RABGEF1: variants seen among roughly 807,000 people sequenced by gnomAD.
RABGEF1 encodes the protein RAB guanine nucleotide exchange factor 1.
Under a neutral mutation model 57.3 loss-of-function variants are expected in RABGEF1, and 26 were observed. The observed-to-expected ratio is 0.45, with a 90% CI of 0.33 to 0.63. The LOEUF (loss-of-function observed/expected upper bound fraction) is 0.63. Ranked by LOEUF, RABGEF1 falls within the 20% of genes least tolerant of loss-of-function variation. RABGEF1 has a pLI of 0.02. For synonymous variants in RABGEF1, 185 were observed against 210.7 expected (o/e 0.88, Z 1.06); for missense variants, 464 against 607.6 (o/e 0.76, Z 2.48).
In RABGEF1 at chr7:66,687,113, C is replaced by CTT. The variant is rs71526570; in HGVS notation, c.-873+4876_-873+4877dup. 9.2e-4 allele frequency among the ~76,000 whole-genome samples: 95 copies of CTT among 103,670 alleles called. 1 individual carries two copies. The highest frequency in any genetic ancestry group is 1.1e-3 in the African/African-American group (30 of 27,748). 68.0% of individuals were successfully genotyped at this position (103,670 alleles called of 152,430 possible). On this transcript the variant is annotated intron_variant and NMD_transcript_variant, in intron 1 of 9. Transcript: ENST00000607882. Reference sequence around the variant, plus strand: ...TGAGATTACGAGCCACCACGCCCGGCTTTTTTTTTTTTTTTTTTTTTTCTT... The same window carrying CTT: ...TGAGATTACGAGCCACCACGCCCGGCTTTTTTTTTTTTTTTTTTTTTTTTCTT...
At chr7:66,793,817 G>C (rs533681852) in intron 4 of RABGEF1, among the ~76,000 whole-genome samples, 48 of 152,292 alleles carry the variant, frequency 3.2e-4, no homozygotes, top group African/African-American at 1.1e-3. Context: ...CATCCTTTTA[G>C]AGTTAAGCCA....
chr7:66,712,131 G>C (rs1176414941), intron 1 of RABGEF1: 1 of 152,112 alleles, frequency 6.6e-6, no homozygotes, highest in African/African-American at 2.4e-5. Context: ...CAAAAATCCT[G>C]CTCAGATTTT....
the RABGEF1 span, among the ~76,000 whole-genome samples, chr7:66,674,767 TAGG>T: frequency 1.3e-5 from 2 of 152,062 alleles, no homozygotes; most frequent in African/African-American, 2.4e-5. Context: ...TTTACTGATC[TAGG>T]AGAAGTTAGA....
intron 5 of RABGEF1, among the ~76,000 whole-genome samples, chr7:66,796,471 C>T (rs1392450450): frequency 6.6e-6 from 1 of 152,172 alleles, no homozygotes; most frequent in Non-Finnish European, 1.5e-5. Context: ...AGGGAGTGAC[C>T]TTGCTGAAGT....
chr7:66,785,482 ACT>A (rs1810941484), intron 4 of RABGEF1, among the ~76,000 whole-genome samples: 1 of 152,074 alleles, frequency 6.6e-6, no homozygotes, highest in African/African-American at 2.4e-5. Flanking sequence ...ATAAATAAAC[ACT>A]CTTTACACCT....
intron 2 of RABGEF1, among the ~76,000 whole-genome samples, chr7:66,725,959 T>C (rs1796538726): frequency 6.6e-6 from 1 of 151,580 alleles, no homozygotes; most frequent in African/African-American, 2.4e-5. Context: ...TGATCCCACT[T>C]AGAAAACCCC....
intron 2 of RABGEF1, among the ~76,000 whole-genome samples, chr7:66,726,474 C>G (rs1261747288): frequency 6.6e-6 from 1 of 152,092 alleles, no homozygotes; most frequent in Non-Finnish European, 1.5e-5. Flanking sequence ...AAGCGATCCT[C>G]CCACCTCAGC....
chr7:66,720,952 C>T (rs1470355766), intron 2 of RABGEF1, among the ~76,000 whole-genome samples: 3 of 152,188 alleles, frequency 2.0e-5, no homozygotes, highest in Non-Finnish European at 4.4e-5. Context: ...GAGTCTTACT[C>T]TGTCGCCCAA....
In RABGEF1 at chr7:66,709,072, C is replaced by A. The variant is rs1459968333; in HGVS notation, c.-872-3095C>A. Among the ~76,000 whole-genome samples the A allele has an allele frequency of 2.0e-5, 3 of 151,368 alleles. No homozygotes were observed. In the East Asian group the frequency reaches 5.8e-4, roughly 29 times the overall value. On this transcript the variant is annotated intron_variant and NMD_transcript_variant, in intron 1 of 9. Coordinates refer to the RABGEF1 transcript ENST00000607882. ...CACTCATGTCGCCCAGGCTAGAGCG[C>A]AATGGCACAATCTCGGCTCACTACA... is the stretch of plus-strand genomic sequence containing the variant.
At chr7:66,661,298 C>CAAAAAAAAAAA in the RABGEF1 span, among the ~76,000 whole-genome samples, 3 of 78,024 alleles carry the variant, frequency 3.8e-5, 1 homozygote, top group Non-Finnish European at 2.3e-5. Flanking sequence ...GACTCCATCT[C>CAAAAAAAAAAA]AAAAAAAAAA....
chr7:66,788,988 T>C (rs1206882890), intron 4 of RABGEF1, among the ~76,000 whole-genome samples: 1 of 152,058 alleles, frequency 6.6e-6, no homozygotes, highest in African/African-American at 2.4e-5. Flanking sequence ...AATCTGATAC[T>C]GATTATATTA....
At chr7:66,793,418 G>A (rs763051924) in intron 4 of RABGEF1, among the ~76,000 whole-genome samples, 1 of 152,172 alleles carries the variant, frequency 6.6e-6, no homozygotes, top group Non-Finnish European at 1.5e-5. Context: ...GGCCAGGTGT[G>A]GAATTTCCCA....
chr7:66,710,812 T>C (rs149056618), intron 1 of RABGEF1, among the ~76,000 whole-genome samples: 229 of 152,260 alleles, frequency 1.5e-3, no homozygotes, highest in African/African-American at 5.2e-3. Flanking sequence ...AAGATTTTCT[T>C]TCTTGGGGCT....
chr7:66,689,895 CT>C, intron 1 of RABGEF1, among the ~76,000 whole-genome samples: 1 of 151,966 alleles, frequency 6.6e-6, no homozygotes, highest in East Asian at 1.9e-4. Context: ...ATACCCCTCA[CT>C]GGGTGGCTTT....
chr7:66,760,002 C>T lies in RABGEF1; in HGVS notation c.-17-11881C>T, dbSNP rs1160648592. 3.9e-5 allele frequency among the ~76,000 whole-genome samples: 6 copies of T among 152,272 alleles called. No homozygotes were observed. In the East Asian group the frequency reaches 5.8e-4, roughly 15 times the overall value. On this transcript the variant is annotated intron_variant, in intron 1 of 8. Transcript: ENST00000284957. ...CAAGCTGGACAGTGTGGTTCAGTAC[C>T]GTAACCATACAAAACACCCTTATCA...
intron 1 of RABGEF1, among the ~76,000 whole-genome samples, chr7:66,699,820 T>G (rs1792954470): frequency 1.3e-5 from 2 of 152,116 alleles, no homozygotes; most frequent in Non-Finnish European, 2.9e-5. Flanking sequence ...GCCACTCCAC[T>G]TCAACCTGAG....
chr7:66,760,095 T>C (rs1285023254), intron 1 of RABGEF1, among the ~76,000 whole-genome samples: 1 of 152,222 alleles, frequency 6.6e-6, no homozygotes, highest in Non-Finnish European at 1.5e-5. Flanking sequence ...CTAACCCAGC[T>C]GACCAAGCAG....
At chr7:66,661,471 C>T in the RABGEF1 span, among the ~76,000 whole-genome samples, 3 of 150,950 alleles carry the variant, frequency 2.0e-5, no homozygotes, top group African/African-American at 2.4e-5. Context: ...GAAAAAATAT[C>T]GGCAAACCAG....
intron 7 of RABGEF1, among the ~76,000 whole-genome samples, chr7:66,800,142 A>G (rs575617965): frequency 6.6e-6 from 1 of 152,326 alleles, no homozygotes; most frequent in East Asian, 1.9e-4. Flanking sequence ...TTCTATTGGA[A>G]AGGAAGTGGG....
Sources: allele counts gnomAD v4.1 joint callset (sites outside exome capture counted in the v4.1 genomes callset), GRCh38; gene constraint gnomAD v4.1.1; transcripts MANE v1.5; gene names NCBI Gene and HGNC (gene_info 2026-07-23, HGNC 2026-07-21).